RPS6KA5: variants seen among roughly 807,000 people sequenced by gnomAD.
RPS6KA5 encodes ribosomal protein S6 kinase alpha-5.
RPS6KA5 carries 27 observed loss-of-function variants against 85.5 expected under a neutral mutation model. That is an observed-to-expected ratio of 0.32 (90% CI 0.23 to 0.44). The LOEUF (loss-of-function observed/expected upper bound fraction) is 0.44. Among genes scored for constraint, RPS6KA5 ranks in the 20% least tolerant of loss-of-function variants. The probability of loss-of-function intolerance (pLI) is 1.00; values close to 1 mark genes in which losing one functional copy is unlikely to be tolerated. For synonymous variants in RPS6KA5, 334 were observed against 348.2 expected (o/e 0.96, Z 0.46); for missense variants, 811 against 980.9 (o/e 0.83, Z 2.31).
At chr14:90,879,048 G>T in intron 14 of RPS6KA5, among the ~76,000 whole-genome samples, 1 of 152,322 alleles carries the variant, frequency 6.6e-6, no homozygotes. Flanking sequence ...TCTGTGGCAG[G>T]TAACTATTTT....
At chr14:90,938,165 T>C (rs146593903) in intron 5 of RPS6KA5, among the ~76,000 whole-genome samples, 2 of 152,214 alleles carry the variant, frequency 1.3e-5, no homozygotes, top group African/African-American at 4.8e-5. Flanking sequence ...ACAGGTCCCA[T>C]GCAAGTCCAA....
Position 90,860,801 on chromosome 14 carries a change from G to A in RPS6KA5, c.*11273C>T, listed in dbSNP as rs1177251755. 5 of 151,106 alleles carry A rather than the reference G, an allele frequency of 3.3e-5. No individual in the cohort carries two copies. The highest frequency in any genetic ancestry group is 2.0e-4 in the Admixed American group (3 of 15,170). 9.4% of individuals were successfully genotyped at this position (151,106 alleles called of 1,614,324 possible). On this transcript the variant is annotated 3_prime_UTR_variant, in exon 17 of 17. Transcript: ENST00000614987. ...AAGAGAATTCTCCAGATGAAGAAAA[G>A]TAATCCCAGATGGAAGTAAAAAAGG...
intron 5 of RPS6KA5, among the ~76,000 whole-genome samples, chr14:90,939,466 T>C (rs2037455068): frequency 6.6e-6 from 1 of 152,170 alleles, no homozygotes. Flanking sequence ...TATTAGTCTG[T>C]TTTCATACTG....
intron 1 of RPS6KA5, among the ~76,000 whole-genome samples, chr14:91,035,229 C>G (rs2042350140): frequency 6.6e-6 from 1 of 151,538 alleles, no homozygotes; most frequent in Non-Finnish European, 1.5e-5. Context: ...GACCATAAAA[C>G]CAACAAGTAA....
rs1292135483 is a variant in RPS6KA5, at chr14:91,036,099, G to T, written c.103+24233C>A. On this transcript the variant is annotated intron_variant, in intron 1 of 16. Coordinates refer to ENST00000614987, the MANE Select transcript of RPS6KA5 (RefSeq NM_004755.4). Reference sequence around the variant, plus strand: ...CACAGACATTTTCAAAATAGACTGTGGGGGGTGCAACTCCCCACAGTGAAG... The same window carrying T: ...CACAGACATTTTCAAAATAGACTGTTGGGGGTGCAACTCCCCACAGTGAAG... Among the ~76,000 whole-genome samples the T allele has an allele frequency of 4.1e-4, 15 of 36,728 alleles. No individual in the cohort carries two copies. In the Admixed American group the frequency reaches 4.3e-3, roughly 11 times the overall value. The allele number at this position is 36,728 out of a possible 152,430, so 24.1% of individuals were successfully genotyped here.
intron 2 of RPS6KA5, among the ~76,000 whole-genome samples, chr14:90,980,009 C>A (rs2039724024): frequency 6.6e-6 from 1 of 152,140 alleles, no homozygotes; most frequent in South Asian, 2.1e-4. Flanking sequence ...TGAACACATT[C>A]CAGGGCACAG....
intron 3 of RPS6KA5, among the ~76,000 whole-genome samples, chr14:90,968,557 C>T (rs760637891): frequency 3.9e-5 from 6 of 151,994 alleles, no homozygotes; most frequent in Non-Finnish European, 5.9e-5. Flanking sequence ...CAACTTCTAC[C>T]TCCATGATAA....
chr14:91,049,002 G>A (rs1470691222), intron 1 of RPS6KA5, among the ~76,000 whole-genome samples: 1 of 152,182 alleles, frequency 6.6e-6, no homozygotes, highest in African/African-American at 2.4e-5. Context: ...AGAGGTTAAT[G>A]TTGGGTCTGA....
intron 1 of RPS6KA5, among the ~76,000 whole-genome samples, chr14:91,029,066 A>C (rs2042089602): frequency 1.3e-5 from 2 of 152,234 alleles, no homozygotes; most frequent in African/African-American, 4.8e-5. Flanking sequence ...AGTATCTATA[A>C]TATCTGGATG....
chr14:90,966,070 AATACTGGT>A (rs2039046055), intron 3 of RPS6KA5, among the ~76,000 whole-genome samples: 1 of 152,208 alleles, frequency 6.6e-6, no homozygotes, highest in African/African-American at 2.4e-5. Context: ...ACTGGTTATC[AATACTGGT>A]ACTAAAGTTG....
In RPS6KA5 at chr14:90,857,584, T is replaced by C. The variant is rs939351068; in HGVS notation, c.*14490A>G. ...AACACAGAAACTCATAGTTAGGGAA[T>C]TGGGCTTGCAAAAGGTAGGCCAAAT... is the stretch of plus-strand genomic sequence containing the variant. On this transcript the variant is annotated 3_prime_UTR_variant, in exon 17 of 17. Transcript: ENST00000614987. 1 of 152,224 alleles carries C rather than the reference T, an allele frequency of 6.6e-6. No individual in the cohort carries two copies. Among genetic ancestry groups the C allele is most frequent in the Non-Finnish European group, 1.5e-5 (1 of 68,038 alleles). 9.4% of individuals were successfully genotyped at this position (152,224 alleles called of 1,614,324 possible).
chr14:90,906,415 C>T, intron 7 of RPS6KA5, 116 bp from the exon 8 acceptor site: 1 of 758,724 alleles, frequency 1.3e-6, no homozygotes, highest in Non-Finnish European at 2.0e-6. Flanking sequence ...AAATACTTAA[C>T]ATGAATCAAT....
At chr14:91,021,467 C>A in intron 1 of RPS6KA5, among the ~76,000 whole-genome samples, 1 of 152,158 alleles carries the variant, frequency 6.6e-6, no homozygotes, top group Admixed American at 6.6e-5. Flanking sequence ...ACAGTAAGAT[C>A]CGTCTCTATT....
At chr14:90,993,025 T>C (rs1008133054) in intron 2 of RPS6KA5, among the ~76,000 whole-genome samples, 1 of 152,226 alleles carries the variant, frequency 6.6e-6, no homozygotes, top group Non-Finnish European at 1.5e-5. Context: ...AGACTGTTTG[T>C]TCAGTAATTC....
intron 3 of RPS6KA5, among the ~76,000 whole-genome samples, chr14:90,951,444 C>T (rs1489416478): frequency 6.6e-6 from 1 of 152,062 alleles, no homozygotes; most frequent in East Asian, 1.9e-4. Context: ...CACTGCACTC[C>T]AGCCTGGGCG....
At chr14:90,913,986 C>A (rs1433712828) in intron 7 of RPS6KA5, among the ~76,000 whole-genome samples, 1 of 152,160 alleles carries the variant, frequency 6.6e-6, no homozygotes, top group African/African-American at 2.4e-5. Flanking sequence ...CCATGGAGAA[C>A]CATGAGTACA....
chr14:90,967,133 T>C (rs77853616), intron 3 of RPS6KA5, among the ~76,000 whole-genome samples: 2,757 of 152,324 alleles, frequency 0.018, 71 homozygotes, highest in African/African-American at 0.063. Flanking sequence ...TATCATCCCA[T>C]TGAAATTGAC....
At chr14:90,903,778 G>A (rs1402452690) in intron 8 of RPS6KA5, among the ~76,000 whole-genome samples, 1 of 151,998 alleles carries the variant, frequency 6.6e-6, no homozygotes, top group Non-Finnish European at 1.5e-5. Flanking sequence ...TGCCATTACT[G>A]ATAGTAAGAT....
chr14:90,981,033 T>C (rs762720216), intron 2 of RPS6KA5, among the ~76,000 whole-genome samples: 4 of 152,114 alleles, frequency 2.6e-5, no homozygotes, highest in African/African-American at 7.2e-5. Context: ...TAGCCGAGCA[T>C]GGTGGCCTAT....
Sources: gnomAD v4.1 joint callset for allele counts (sites outside exome capture counted in the v4.1 genomes callset) on GRCh38, gnomAD v4.1.1 for gene constraint, MANE v1.5 for transcripts, NCBI Gene and HGNC (gene_info 2026-07-23, HGNC 2026-07-21) for gene names.